Variants in PCDHGC3 observed in about 807,000 individuals in gnomAD.
PCDHGC3 encodes the protein protocadherin gamma subfamily C, 3.
A neutral mutation model predicts 59.2 loss-of-function variants in PCDHGC3; 26 were observed. The observed-to-expected ratio is 0.44, with a 90% CI of 0.32 to 0.61. PCDHGC3 has a LOEUF of 0.61. Among genes scored for constraint, PCDHGC3 ranks in the 20% least tolerant of loss-of-function variants. PCDHGC3 has a pLI of 0.05. For missense variants in PCDHGC3, 1,080 were observed against 1,221.8 expected, an observed-to-expected ratio of 0.88 and a Z score of 1.73; for synonymous variants, 487 against 519.7, an observed-to-expected ratio of 0.94 and a Z score of 0.86.
intron 3 of PCDHGC3, among the ~76,000 whole-genome samples, chr5:141,506,621 G>A (rs143369587): frequency 1.3e-5 from 2 of 152,178 alleles, no homozygotes; most frequent in African/African-American, 4.8e-5. Flanking sequence ...GTGTTACCAG[G>A]GCCAAATGCA....
rs938964469 is a variant in PCDHGC3 at position 141,485,439 on chromosome 5, C to T, written c.2430+6893C>T. On this transcript the variant is annotated intron_variant, in intron 1 of 3. Transcript: ENST00000308177. This position sits in a 1 kb window ranked among gnomAD's most constrained non-coding sequence, Gnocchi z 5.7. The stretch of plus-strand genomic sequence containing the variant: ...AGCGGAGCCCTGCTCATCAAGAACC[C>T]AATCGACCGAGAGGCACTGTGTGGG... The T allele has an allele frequency of 1.1e-5, 18 of 1,614,182 alleles. No homozygotes were observed. Among genetic ancestry groups the T allele is most frequent in the Non-Finnish European group, 1.5e-5 (18 of 1,180,036 alleles).
At position 141,489,774 on chromosome 5, in the gene PCDHGC3, C is replaced by T; in HGVS notation, c.2431-5033C>T. The T allele has an allele frequency of 1.2e-6, 2 of 1,614,164 alleles. No homozygotes were observed. Among genetic ancestry groups the T allele is most frequent in the Non-Finnish European group, 8.5e-7 (1 of 1,179,998 alleles). On this transcript the variant is annotated intron_variant, in intron 1 of 3. Transcript: ENST00000308177. The surrounding 1 kb of genome is among the most constrained non-coding windows in gnomAD (Gnocchi z 4.5). The stretch of plus-strand genomic sequence containing the variant: ...ACACTCTAAGCCCCAACAGCCACTT[C>T]TCTCTGAATGTGAAGACCCTAAAAG...
At chr5:141,492,755 C>T (rs938918009) in intron 1 of PCDHGC3, among the ~76,000 whole-genome samples, 3 of 152,262 alleles carry the variant, frequency 2.0e-5, no homozygotes, top group African/African-American at 7.2e-5. Flanking sequence ...CGCGGCAGGG[C>T]TCCGCGTTGG....
chr5:141,502,087 C>T (rs1289663374), intron 2 of PCDHGC3, among the ~76,000 whole-genome samples: 1 of 152,180 alleles, frequency 6.6e-6, no homozygotes, highest in Admixed American at 6.5e-5. Context: ...GGGCTGAGAA[C>T]ACCTGGCCTT....
chr5:141,490,045 C>T lies in PCDHGC3; in HGVS notation c.2431-4762C>T, dbSNP rs530803072. On this transcript the variant is annotated intron_variant, in intron 1 of 3. Transcript: ENST00000308177. The surrounding 1 kb of genome is among the most constrained non-coding windows in gnomAD (Gnocchi z 5.4). ...GCTGCTCCGCCTCAATGCCACTGAT[C>T]CAGACGAGGGCACCAACGGCCAACT... 1.2e-5 allele frequency: 19 copies of T among 1,614,114 alleles called. No individual in the cohort carries two copies. Among genetic ancestry groups the T allele is most frequent in the Admixed American group, 1.2e-4 (7 of 60,014 alleles).
Position 141,477,540 on chromosome 5 carries a change from C to T in PCDHGC3, c.1424C>T (p.Pro475Leu), listed in dbSNP as rs777796922. The change falls in exon 1 of 4, where the codon CCA becomes CTA. Residue 475 changes from proline (P) to leucine (L), a missense_variant. Physicochemically the swap from Pro to Leu is moderately conservative, Grantham distance 98 (BLOSUM62 -3). Coordinates refer to ENST00000308177, the MANE Select transcript of PCDHGC3 (RefSeq NM_002588.4). The surrounding 1 kb of genome is among the most constrained non-coding windows in gnomAD (Gnocchi z 4.9). ...YIEENNLPGA[P>L]ILNLSVWDPD... is the part of the protein sequence containing the mutation. Reference sequence around the variant, plus strand: ...GAAGAAAACAACCTCCCCGGGGCTCCAATACTAAACCTAAGTGTCTGGGAC... The same window carrying T: ...GAAGAAAACAACCTCCCCGGGGCTCTAATACTAAACCTAAGTGTCTGGGAC... The T allele has an allele frequency of 6.8e-6, 11 of 1,614,036 alleles. 1 individual carries two copies. Among genetic ancestry groups the T allele is most frequent in the African/African-American group, 2.7e-5 (2 of 74,920 alleles).
chr5:141,491,616 C>T lies in PCDHGC3; in HGVS notation c.2431-3191C>T. 1 of 1,613,944 alleles carries T rather than the reference C, an allele frequency of 6.2e-7. No homozygotes were observed. Among genetic ancestry groups the T allele is most frequent in the South Asian group, 1.1e-5 (1 of 91,082 alleles). On this transcript the variant is annotated intron_variant, in intron 1 of 3. Coordinates refer to ENST00000308177, the MANE Select transcript of PCDHGC3 (RefSeq NM_002588.4). The surrounding 1 kb of genome is among the most constrained non-coding windows in gnomAD (Gnocchi z 6.9). ...GCAGTGACTTCACTTTTCTAAGACC[C>T]CTCAGCGTTCAGCAGCCCACAGCTC...
At position 141,486,791 on chromosome 5, in the gene PCDHGC3, C is replaced by T. The variant is rs766519569; in HGVS notation, c.2431-8016C>T. 1.8e-5 allele frequency: 29 copies of T among 1,614,108 alleles called. No homozygotes were observed. The highest frequency in any genetic ancestry group is 2.2e-5 in the Non-Finnish European group (26 of 1,180,054). On this transcript the variant is annotated intron_variant, in intron 1 of 3. Coordinates refer to ENST00000308177, the MANE Select transcript of PCDHGC3 (RefSeq NM_002588.4). The surrounding 1 kb of genome is among the most constrained non-coding windows in gnomAD (Gnocchi z 5.0). ...GCAGTTTGAGGTGCAGGCCCGGGAT[C>T]GGGGCAACCCACCCCTTAGCAGCAC...
Position 141,478,395 on chromosome 5 carries a change from T to C in PCDHGC3, c.2279T>C (p.Val760Ala). Reference protein sequence around the residue: ...GLMSPHLYHQVYLTTDSRRSD... With the variant: ...GLMSPHLYHQAYLTTDSRRSD... The stretch of plus-strand genomic sequence containing the variant: ...ATGTCGCCGCACCTTTACCATCAGG[T>C]GTATCTCACCACGGACTCCCGCCGC... Residue 760 changes from valine to alanine, a missense_variant, in exon 1 of 4, where the codon GTG (valine) becomes GCG (alanine). By Grantham distance (64) the Val-to-Ala change is moderately conservative. Coordinates refer to ENST00000308177, the MANE Select transcript of PCDHGC3 (RefSeq NM_002588.4). The C allele has an allele frequency of 6.2e-7, 1 of 1,613,510 alleles. No homozygotes were observed. The highest frequency in any genetic ancestry group is 8.5e-7 in the Non-Finnish European group (1 of 1,179,998).
At chr5:141,480,021 C>T (rs1415230863) in intron 1 of PCDHGC3, among the ~76,000 whole-genome samples, 2 of 152,208 alleles carry the variant, frequency 1.3e-5, no homozygotes, top group East Asian at 3.8e-4. Flanking sequence ...AATCTCCTTT[C>T]TAAGCCTCTT....
In PCDHGC3 at chr5:141,511,216, C is replaced by A. The variant is rs374915167; in HGVS notation, c.*43C>A. On this transcript the variant is annotated 3_prime_UTR_variant, in exon 4 of 4. Coordinates refer to ENST00000308177, the MANE Select transcript of PCDHGC3 (RefSeq NM_002588.4). Reference sequence around the variant, plus strand: ...GAGCCACAGGGCGGCCTCTCCCCAACCAGCCCAGCTTCTCCTTACCTGCAC... The same window carrying A: ...GAGCCACAGGGCGGCCTCTCCCCAAACAGCCCAGCTTCTCCTTACCTGCAC... The A allele has an allele frequency of 6.2e-7, 1 of 1,608,004 alleles. No homozygotes were observed. The highest frequency in any genetic ancestry group is 1.3e-5 in the African/African-American group (1 of 74,736).
chr5:141,505,381 C>T lies in PCDHGC3; in HGVS notation c.2490-12C>T. On this transcript the variant is annotated splice_polypyrimidine_tract_variant and intron_variant, in intron 2 of 3. Transcript: ENST00000308177. Reference sequence around the variant, plus strand: ...CTGGGAGTCTGTGCTCACCATCCTACTCTCTCCCCAGCTCCCAAAATGGCG... The same window carrying T: ...CTGGGAGTCTGTGCTCACCATCCTATTCTCTCCCCAGCTCCCAAAATGGCG... 1 of 1,614,064 alleles carries T rather than the reference C, an allele frequency of 6.2e-7. No homozygotes were observed.
In PCDHGC3 at chr5:141,476,990, C is replaced by A; in HGVS notation, c.874C>A (p.Arg292=). The change falls in exon 1 of 4, where the codon CGG becomes AGG. Residue 292 remains arginine, a synonymous_variant. Coordinates refer to ENST00000308177, the MANE Select transcript of PCDHGC3 (RefSeq NM_002588.4). The surrounding 1 kb of genome is among the most constrained non-coding windows in gnomAD (Gnocchi z 7.6). Reference sequence around the variant, plus strand: ...CGGCAGCCACAACCGCGCCGGCGTGCGGCAACTATTCGCCTTAGACCTTGT... The same window carrying A: ...CGGCAGCCACAACCGCGCCGGCGTGAGGCAACTATTCGCCTTAGACCTTGT... ...SFGSHNRAGV[R]QLFALDLVTG... The A allele has an allele frequency of 6.2e-7, 1 of 1,614,220 alleles. No individual in the cohort carries two copies. Among genetic ancestry groups the A allele is most frequent in the South Asian group, 1.1e-5 (1 of 91,090 alleles).
Position 141,489,805 on chromosome 5 carries a change from A to T in PCDHGC3, c.2431-5002A>T. On this transcript the variant is annotated intron_variant, in intron 1 of 3. Transcript: ENST00000308177. The surrounding 1 kb of genome is among the most constrained non-coding windows in gnomAD (Gnocchi z 4.5). ...GAATGTGAAGACCCTAAAAGATGGG[A>T]AGCCATTCCCAGAGCTGGTGCTAGA... 1 of 1,614,166 alleles carries T rather than the reference A, an allele frequency of 6.2e-7. No individual in the cohort carries two copies. Among genetic ancestry groups the T allele is most frequent in the Non-Finnish European group, 8.5e-7 (1 of 1,180,012 alleles).
Position 141,478,524 on chromosome 5 carries a change from C to T in PCDHGC3, c.2408C>T (p.Ala803Val). Residue 803 changes from alanine (A) to valine (V), a missense_variant, in exon 1 of 4, where the codon GCA becomes GTA. Ala to Val is a moderately conservative substitution (Grantham distance 64). Coordinates refer to ENST00000308177, the MANE Select transcript of PCDHGC3 (RefSeq NM_002588.4). ...DPVFYRQVLGAESAPPGQQAP... is the reference protein window; with the variant it reads ...DPVFYRQVLGVESAPPGQQAP... Reference sequence around the variant, plus strand: ...GTGTTCTATAGGCAGGTGTTGGGTGCAGAGAGCGCCCCTCCCGGACAGGTA... The same window carrying T: ...GTGTTCTATAGGCAGGTGTTGGGTGTAGAGAGCGCCCCTCCCGGACAGGTA... 6.2e-7 allele frequency: 1 copy of T among 1,609,844 alleles called. No homozygotes were observed. The highest frequency in any genetic ancestry group is 8.5e-7 in the Non-Finnish European group (1 of 1,177,968).
Position 141,491,944 on chromosome 5 carries a change from C to T in PCDHGC3, c.2431-2863C>T, listed in dbSNP as rs1245968796. ...CGAGGGGAGGTGGGACCGACCCCCACCCCTACACTCAAAAAAGGCCGGGGC... is the reference window on the plus strand; with the variant it reads ...CGAGGGGAGGTGGGACCGACCCCCATCCCTACACTCAAAAAAGGCCGGGGC... On this transcript the variant is annotated intron_variant, in intron 1 of 3. Transcript: ENST00000308177. This position sits in a 1 kb window ranked among gnomAD's most constrained non-coding sequence, Gnocchi z 6.9. The T allele has an allele frequency of 1.8e-6, 2 of 1,120,156 alleles. No individual in the cohort carries two copies. Among genetic ancestry groups the T allele is most frequent in the Non-Finnish European group, 2.4e-6 (2 of 822,072 alleles). The allele number at this position is 1,120,156 out of a possible 1,614,324, so 69.4% of individuals were successfully genotyped here. A position where few individuals can be genotyped will look rare whatever the true frequency, so the allele number is the denominator to read the frequency against.
At chr5:141,482,345 T>G (rs192115752) in intron 1 of PCDHGC3, among the ~76,000 whole-genome samples, 8 of 152,122 alleles carry the variant, frequency 5.3e-5, no homozygotes, top group Admixed American at 5.2e-4. Context: ...CTTTGCAAAC[T>G]TGTTGTGAGA....
Position 141,485,244 on chromosome 5 carries a change from T to G in PCDHGC3, c.2430+6698T>G. 5 of 1,614,168 alleles carry G rather than the reference T, an allele frequency of 3.1e-6. No individual in the cohort carries two copies. Among genetic ancestry groups the G allele is most frequent in the Non-Finnish European group, 4.2e-6 (5 of 1,180,006 alleles). On this transcript the variant is annotated intron_variant, in intron 1 of 3. Transcript: ENST00000308177. This position sits in a 1 kb window ranked among gnomAD's most constrained non-coding sequence, Gnocchi z 5.7. Reference sequence around the variant, plus strand: ...ACCCTTTTGTTCCTCTTTTACCACCTGGGTTACGTTTGTGGGCAGATCCGC... The same window carrying G: ...ACCCTTTTGTTCCTCTTTTACCACCGGGGTTACGTTTGTGGGCAGATCCGC...
At chr5:141,503,598 CAAAAAAAAAAAA>C (rs765754054) in intron 2 of PCDHGC3, among the ~76,000 whole-genome samples, 11 of 65,762 alleles carry the variant, frequency 1.7e-4, no homozygotes, top group Admixed American at 3.4e-4. Context: ...GACTCCAGCT[CAAAAAAAAAAAA>C]AAAAGAAAAA....
Sources: gnomAD v4.1 joint callset for allele counts (sites outside exome capture counted in the v4.1 genomes callset) on GRCh38, gnomAD v4.1.1 for gene constraint, Gnocchi (gnomAD v3.1) non-coding constraint, MANE v1.5 for transcripts, NCBI Gene and HGNC (gene_info 2026-07-23, HGNC 2026-07-21) for gene names.